ATOSA: variants seen among roughly 807,000 people sequenced by gnomAD.
The protein encoded by ATOSA is atos homolog protein A.
chr15:52,676,830 TATTCTGAGAATCA>T, the ATOSA span, among the ~76,000 whole-genome samples: 1 of 152,364 alleles, frequency 6.6e-6, no homozygotes, highest in South Asian at 2.1e-4. Context: ...TTTGCTTGTT[TATTCTGAGAATCA>T]ATTACTAACC....
the ATOSA span, among the ~76,000 whole-genome samples, chr15:52,584,531 A>C: frequency 6.6e-6 from 1 of 152,202 alleles, no homozygotes; most frequent in Non-Finnish European, 1.5e-5. Context: ...TATATTAAAC[A>C]GCTATAAATG....
At chr15:52,592,382 A>G in the ATOSA span, among the ~76,000 whole-genome samples, 2 of 152,214 alleles carry the variant, frequency 1.3e-5, no homozygotes, top group African/African-American at 4.8e-5. Context: ...AACTTTTTAC[A>G]GACCTGCATG....
At chr15:52,682,323 T>C in the ATOSA span, among the ~76,000 whole-genome samples, 9 of 152,044 alleles carry the variant, frequency 5.9e-5, no homozygotes, top group Non-Finnish European at 1.3e-4. Context: ...CCATCCCCCA[T>C]CTGTGAATGT....
the ATOSA span, chr15:52,652,164 G>A: frequency 2.1e-6 from 2 of 948,784 alleles, no homozygotes; most frequent in Non-Finnish European, 2.8e-6. Flanking sequence ...TGTCTACTTG[G>A]CAGCACTGTC....
the ATOSA span, among the ~76,000 whole-genome samples, chr15:52,669,901 C>G: frequency 1.3e-5 from 2 of 152,148 alleles, no homozygotes; most frequent in African/African-American, 4.8e-5. Context: ...AGGTAATACT[C>G]TGAAACAAAG....
the ATOSA span, among the ~76,000 whole-genome samples, chr15:52,637,525 A>G: frequency 6.6e-6 from 1 of 152,300 alleles, no homozygotes; most frequent in South Asian, 2.1e-4. Context: ...ACCTCCTAAT[A>G]GCTCTAACCA....
the ATOSA span, among the ~76,000 whole-genome samples, chr15:52,662,171 T>C: frequency 1.3e-5 from 2 of 152,152 alleles, no homozygotes; most frequent in South Asian, 2.1e-4. Flanking sequence ...CCACCATTTT[T>C]TTTTAAAGCT....
At chr15:52,687,290 A>G in the ATOSA span, among the ~76,000 whole-genome samples, 1 of 152,202 alleles carries the variant, frequency 6.6e-6, no homozygotes, top group Non-Finnish European at 1.5e-5. Flanking sequence ...GTGTAGTCCC[A>G]CCTACTCCGG....
chr15:52,613,539 G>C, the ATOSA span: 1 of 1,067,872 alleles, frequency 9.4e-7, no homozygotes, highest in South Asian at 1.7e-5. Flanking sequence ...TCCAGGATTT[G>C]GATTTTTTCC....
At chr15:52,700,044 C>G in the ATOSA span, among the ~76,000 whole-genome samples, 1 of 152,194 alleles carries the variant, frequency 6.6e-6, no homozygotes, top group South Asian at 2.1e-4. Context: ...ATAAATTTTT[C>G]GAATCTAAAG....
the ATOSA span, chr15:52,581,440 A>C: frequency 6.6e-6 from 1 of 152,240 alleles, no homozygotes; most frequent in Non-Finnish European, 1.5e-5. Flanking sequence ...AAGACTCTAT[A>C]GTAGTGATTA....
the ATOSA span, among the ~76,000 whole-genome samples, chr15:52,590,398 G>T: frequency 3.8e-4 from 58 of 152,260 alleles, no homozygotes; most frequent in African/African-American, 1.2e-3. Flanking sequence ...TTTTACCACT[G>T]ACTCCCAACC....
At chr15:52,641,574 T>A in the ATOSA span, among the ~76,000 whole-genome samples, 41,171 of 152,114 alleles carry the variant, frequency 0.27, 6,965 homozygotes, top group Non-Finnish European at 0.36. Context: ...AGAAAGAATA[T>A]CCACCAGTTC....
chr15:52,584,523 T>C, the ATOSA span, among the ~76,000 whole-genome samples: 1 of 152,124 alleles, frequency 6.6e-6, no homozygotes, highest in Non-Finnish European at 1.5e-5. Context: ...AAATATTTTA[T>C]ATTAAACAGC....
the ATOSA span, among the ~76,000 whole-genome samples, chr15:52,692,170 G>A: frequency 6.6e-6 from 1 of 152,094 alleles, no homozygotes. Context: ...TGTGTTAAAG[G>A]AATATTACAT....
chr15:52,633,301 G>A, the ATOSA span, among the ~76,000 whole-genome samples: 1 of 152,190 alleles, frequency 6.6e-6, no homozygotes, highest in Non-Finnish European at 1.5e-5. Context: ...AGCCAGGACA[G>A]AGTAACAGAT....
At chr15:52,661,956 C>T in the ATOSA span, among the ~76,000 whole-genome samples, 1 of 94,126 alleles carries the variant, frequency 1.1e-5, no homozygotes, top group Admixed American at 1.0e-4. Flanking sequence ...AAAAAAACAG[C>T]AAAAAAAAGG....
At chr15:52,618,367 TCTC>T in the ATOSA span, among the ~76,000 whole-genome samples, 1 of 151,994 alleles carries the variant, frequency 6.6e-6, no homozygotes, top group Admixed American at 6.6e-5. Context: ...AACAAGGATG[TCTC>T]TTAAAACTAC....
At chr15:52,662,497 A>T in the ATOSA span, among the ~76,000 whole-genome samples, 33 of 152,196 alleles carry the variant, frequency 2.2e-4, no homozygotes, top group African/African-American at 8.0e-4. Context: ...AGGGCCGGGC[A>T]CGGTGGCTCA....
Sources: gnomAD v4.1 joint callset for allele counts (sites outside exome capture counted in the v4.1 genomes callset) on GRCh38, gnomAD v4.1.1 for gene constraint, MANE v1.5 for transcripts, NCBI Gene and HGNC (gene_info 2026-07-23, HGNC 2026-07-21) for gene names.